NCR2: variants seen among roughly 807,000 people sequenced by gnomAD.
NCR2 encodes natural cytotoxicity triggering receptor 2.
In NCR2, 35 loss-of-function variants were observed where a neutral mutation model predicts 30.7. The ratio of observed to expected loss-of-function variants is 1.14; its 90% CI spans 0.87 to 1.51. NCR2 has a LOEUF of 1.51. Ranked by LOEUF, NCR2 falls within the 40% of genes most tolerant of loss-of-function variation. The pLI, the probability that NCR2 is intolerant of heterozygous loss-of-function variation, is 0.00. For missense variants in NCR2, 316 were observed against 328.9 expected, an observed-to-expected ratio of 0.96 and a Z score of 0.30; for synonymous variants, 146 against 134.8, an observed-to-expected ratio of 1.08 and a Z score of -0.58.
chr6:41,349,361 T>C (rs1053785258), intron 4 of NCR2, among the ~76,000 whole-genome samples: 11 of 152,130 alleles, frequency 7.2e-5, no homozygotes, highest in Non-Finnish European at 8.8e-5. Flanking sequence ...TCTAATCTCC[T>C]GAGTGATAGG....
chr6:41,339,505 C>A lies in NCR2; in HGVS notation c.395-2289C>A, dbSNP rs1769120371. Among the ~76,000 whole-genome samples, 6 of 152,200 alleles carry A rather than the reference C, an allele frequency of 3.9e-5. No homozygotes were observed. The South Asian group carries it at 1.2e-3, about 32-fold the overall frequency. On this transcript the variant is annotated intron_variant, in intron 2 of 4. Transcript: ENST00000373089. The stretch of plus-strand genomic sequence containing the variant: ...GGTTCACACCTTCTCCTGCCTCAGC[C>A]TCCCAAGTAGCTGGGACTACAGGTG...
intron 4 of NCR2, among the ~76,000 whole-genome samples, chr6:41,348,212 A>G (rs1182852756): frequency 1.3e-5 from 2 of 152,168 alleles, no homozygotes; most frequent in African/African-American, 4.8e-5. Context: ...AAATACACTC[A>G]GTCCCACCAA....
intron 4 of NCR2, among the ~76,000 whole-genome samples, chr6:41,347,072 G>A (rs184483893): frequency 1.2e-4 from 18 of 152,160 alleles, no homozygotes; most frequent in African/African-American, 3.1e-4. Context: ...TATTCCAGCC[G>A]AGCATGGAGG....
chr6:41,342,224 G>A (rs1363612626), intron 4 of NCR2, 75 bp downstream of exon 4: 1 of 1,572,042 alleles, frequency 6.4e-7, no homozygotes, highest in African/African-American at 1.4e-5. Flanking sequence ...GGGTCAGAGG[G>A]GAATCGGCCA....
At chr6:41,347,408 T>C (rs1321482276) in intron 4 of NCR2, among the ~76,000 whole-genome samples, 1 of 152,204 alleles carries the variant, frequency 6.6e-6, no homozygotes, top group Non-Finnish European at 1.5e-5. Context: ...GGCTGCACCA[T>C]CAGCCTCCAA....
In NCR2 at chr6:41,336,168, C is replaced by A. The variant is rs770262286; in HGVS notation, c.134C>A (p.Thr45Lys). 5.0e-6 allele frequency: 8 copies of A among 1,614,166 alleles called. No individual in the cohort carries two copies. Among genetic ancestry groups the A allele is most frequent in the African/African-American group, 4.0e-5 (3 of 75,054 alleles). ...TLTVRCQYPP[T>K]GSLYEKKGWC... Reference sequence around the variant, plus strand: ...ACCGTGAGATGCCAGTACCCGCCCACGGGCAGTCTCTACGAGAAGAAAGGC... The same window carrying A: ...ACCGTGAGATGCCAGTACCCGCCCAAGGGCAGTCTCTACGAGAAGAAAGGC... Residue 45 changes from threonine to lysine, a missense_variant, in exon 2 of 5, where the codon ACG becomes AAG. Thr to Lys is a moderately conservative substitution (Grantham distance 78). Transcript: ENST00000373089.
At chr6:41,338,194 T>C (rs1305591707) in intron 2 of NCR2, among the ~76,000 whole-genome samples, 2 of 152,224 alleles carry the variant, frequency 1.3e-5, no homozygotes. Flanking sequence ...TGTACTAAAC[T>C]GGCTTCTTGT....
At position 41,341,826 on chromosome 6, in the gene NCR2, C is replaced by G; in HGVS notation, c.427C>G (p.Arg143Gly). ...CTCCACACAGACCTCCTGGACTCCCCGCGACCTGGTCTCTTCACAGACCCA... is the reference window on the plus strand; with the variant it reads ...CTCCACACAGACCTCCTGGACTCCCGGCGACCTGGTCTCTTCACAGACCCA... ...SASTQTSWTP[R>G]DLVSSQTQTQ... Residue 143 changes from arginine (R) to glycine (G), a missense_variant, in exon 3 of 5, where the codon CGC becomes GGC. Arg to Gly is a moderately radical substitution (Grantham distance 125). Coordinates refer to ENST00000373089, the MANE Select transcript of NCR2 (RefSeq NM_004828.4). 6.2e-7 allele frequency: 1 copy of G among 1,612,748 alleles called. No homozygotes were observed. The highest frequency in any genetic ancestry group is 1.1e-5 in the South Asian group (1 of 91,006).
chr6:41,350,603 G>C (rs1769402715), intron 4 of NCR2, 75 bp from the exon 5 acceptor site: 2 of 1,303,182 alleles, frequency 1.5e-6, no homozygotes, highest in African/African-American at 2.9e-5. Flanking sequence ...GGATGGGGAA[G>C]GGGTTGCCTC....
chr6:41,349,335 G>T (rs981302343), intron 4 of NCR2, among the ~76,000 whole-genome samples: 1 of 152,024 alleles, frequency 6.6e-6, no homozygotes, highest in Non-Finnish European at 1.5e-5. Flanking sequence ...TCCTGACACA[G>T]AGCTCCTAAG....
At chr6:41,341,035 T>C (rs887396085) in intron 2 of NCR2, among the ~76,000 whole-genome samples, 6 of 152,134 alleles carry the variant, frequency 3.9e-5, no homozygotes, top group African/African-American at 1.2e-4. Flanking sequence ...GTTAGGTATG[T>C]AGACCTAGTC....
chr6:41,344,490 T>C (rs1769251540), intron 4 of NCR2, among the ~76,000 whole-genome samples: 1 of 152,244 alleles, frequency 6.6e-6, no homozygotes, highest in Admixed American at 6.5e-5. Flanking sequence ...GTTTGTCATC[T>C]ATTTTTCTTT....
chr6:41,342,853 G>A, intron 4 of NCR2: 1 of 1,428,016 alleles, frequency 7.0e-7, no homozygotes, highest in South Asian at 1.2e-5. Flanking sequence ...GGGCAGGCTT[G>A]GGGAAAGGGA....
chr6:41,347,732 G>C lies in NCR2; in HGVS notation c.645-2946G>C, dbSNP rs569702002. Among the ~76,000 whole-genome samples, 311 of 152,276 alleles carry C rather than the reference G, an allele frequency of 2.0e-3. 2 individuals carry two copies. Among genetic ancestry groups the C allele is most frequent in the African/African-American group, 6.0e-3 (251 of 41,550 alleles). On this transcript the variant is annotated intron_variant, in intron 4 of 4. Transcript: ENST00000373089. ...ATATTCATTAGGTCACAGGTTTTTT[G>C]GGGGGATGGGGGTGTGATCAGAAAT...
intron 4 of NCR2, 142 bp from the exon 5 acceptor site, chr6:41,350,536 C>T: frequency 2.9e-6 from 2 of 683,538 alleles, no homozygotes; most frequent in Non-Finnish European, 5.0e-6. Context: ...GCAGCAGTGG[C>T]CAGGAGCAGA....
At chr6:41,343,094 T>C (rs1316478775) in intron 4 of NCR2, 7 of 1,343,476 alleles carry the variant, frequency 5.2e-6, no homozygotes, top group Non-Finnish European at 7.2e-6. Context: ...TCTGCTGTTA[T>C]CCGCAAAGAA....
At position 41,336,300 on chromosome 6, in the gene NCR2, C is replaced by A; in HGVS notation, c.266C>A (p.Ala89Asp). 6.2e-7 allele frequency: 1 copy of A among 1,614,180 alleles called. No individual in the cohort carries two copies. Among genetic ancestry groups the A allele is most frequent in the Non-Finnish European group, 8.5e-7 (1 of 1,180,032 alleles). ...SRFTIWDDPD[A>D]GFFTVTMTDL... ...TTCACAATCTGGGACGACCCTGATG[C>A]TGGCTTCTTCACTGTCACCATGACT... is the stretch of plus-strand genomic sequence containing the variant. Residue 89 changes from alanine (A) to aspartate (D), a missense_variant, in exon 2 of 5, where the codon GCT becomes GAT. By Grantham distance (126) the Ala-to-Asp change is moderately radical (BLOSUM62 -2). Coordinates refer to ENST00000373089, the MANE Select transcript of NCR2 (RefSeq NM_004828.4).
intron 4 of NCR2, among the ~76,000 whole-genome samples, chr6:41,349,241 T>A (rs1769377005): frequency 6.6e-6 from 1 of 151,072 alleles, no homozygotes; most frequent in Non-Finnish European, 1.5e-5. Flanking sequence ...TTGACCCTAG[T>A]TCCTGACACA....
At position 41,336,433 on chromosome 6, in the gene NCR2, G is replaced by T; in HGVS notation, c.394+5G>T. 6.2e-7 allele frequency: 1 copy of T among 1,608,626 alleles called. No individual in the cohort carries two copies. The highest frequency in any genetic ancestry group is 8.5e-7 in the Non-Finnish European group (1 of 1,175,840). ...TCTATCTGGTGGTATCTCCAGGTGAGCTCTTTCCCTAGGGTCCTCAGAGGG... is the reference window on the plus strand; with the variant it reads ...TCTATCTGGTGGTATCTCCAGGTGATCTCTTTCCCTAGGGTCCTCAGAGGG... On this transcript the variant is annotated splice_donor_5th_base_variant and intron_variant, in intron 2 of 4. Coordinates refer to ENST00000373089, the MANE Select transcript of NCR2 (RefSeq NM_004828.4).
Sources: gnomAD v4.1 joint callset for allele counts (sites outside exome capture counted in the v4.1 genomes callset) on GRCh38, gnomAD v4.1.1 for gene constraint, MANE v1.5 for transcripts, NCBI Gene and HGNC (gene_info 2026-07-23, HGNC 2026-07-21) for gene names.